Variants in SYNJ2 observed in about 807,000 individuals in gnomAD.
The protein encoded by SYNJ2 is synaptojanin 2.
In SYNJ2, 116 loss-of-function variants were observed where a neutral mutation model predicts 141.3. The ratio of observed to expected loss-of-function variants is 0.82; its 90% confidence interval spans 0.71 to 0.96. The LOEUF (loss-of-function observed/expected upper bound fraction) is 0.96, where lower values mean the gene tolerates loss of function less well. Among genes scored for constraint, SYNJ2 ranks in the 40% least tolerant of loss-of-function variants. The probability of loss-of-function intolerance (pLI) is 0.00; values close to 1 mark genes in which losing one functional copy is unlikely to be tolerated. For synonymous variants in SYNJ2, 745 were observed against 777.7 expected (o/e 0.96, Z 0.70); for missense variants, 1,873 against 1,934.8 (o/e 0.97, Z 0.60).
chr6:158,045,424 A>T (rs2128346788), intron 5 of SYNJ2, among the ~76,000 whole-genome samples: 1 of 152,164 alleles, frequency 6.6e-6, no homozygotes, highest in African/African-American at 2.4e-5. Context: ...CAGTTCAGGG[A>T]TCCTCTTCCA....
intron 1 of SYNJ2, among the ~76,000 whole-genome samples, chr6:157,999,890 A>G (rs1258474710): frequency 3.3e-5 from 5 of 152,006 alleles, no homozygotes; most frequent in Admixed American, 6.6e-5. Flanking sequence ...CGGTTAGTGG[A>G]TGACAGATTT....
intron 4 of SYNJ2, among the ~76,000 whole-genome samples, chr6:158,039,000 C>A (rs1366399601): frequency 6.6e-6 from 1 of 152,162 alleles, no homozygotes; most frequent in Non-Finnish European, 1.5e-5. Context: ...AGCATTCCTC[C>A]AAGCCAAAAA....
chr6:158,084,278 C>A lies in SYNJ2; in HGVS notation c.3208+104C>A. ...TGGGCACTGTGTGATATCAAGTATG[C>A]AGGTCCCAGGAGAGACCTCAACCAG... On this transcript the variant is annotated intron_variant, in intron 22 of 26. Transcript: ENST00000355585. This position sits in a 1 kb window ranked among gnomAD's most constrained non-coding sequence, Gnocchi z 5.0. 2 of 1,334,012 alleles carry A rather than the reference C, an allele frequency of 1.5e-6. No homozygotes were observed. The highest frequency in any genetic ancestry group is 2.1e-6 in the Non-Finnish European group (2 of 974,456). The allele number at this position is 1,334,012 out of a possible 1,614,324, so 82.6% of individuals were successfully genotyped here.
chr6:158,017,678 G>A, intron 2 of SYNJ2: 1 of 487,994 alleles, frequency 2.0e-6, no homozygotes, highest in South Asian at 1.5e-5. Context: ...GCCTCCCAAA[G>A]TGCTGGGATT....
intron 4 of SYNJ2, among the ~76,000 whole-genome samples, chr6:158,039,032 T>A (rs1463546616): frequency 6.6e-6 from 1 of 152,218 alleles, no homozygotes; most frequent in African/African-American, 2.4e-5. Flanking sequence ...ACAGCCCTTT[T>A]TCTAAAACAT....
chr6:158,043,378 C>T lies in SYNJ2; in HGVS notation c.774C>T (p.Phe258=), dbSNP rs772575524. Residue 258 remains phenylalanine, a synonymous_variant, in exon 5 of 27, where the codon TTC becomes TTT. Coordinates refer to ENST00000355585, the MANE Select transcript of SYNJ2 (RefSeq NM_003898.4). The surrounding 1 kb of genome is among the most constrained non-coding windows in gnomAD (Gnocchi z 4.0). ...AGATCAGAGGCTCCGTTCCGCTGTT[C>T]TGGGAACAGCCAGGGCTTCAGGTAG... ...FVQIRGSVPL[F]WEQPGLQVGS... is the part of the protein sequence containing the mutation. 2.5e-6 allele frequency: 4 copies of T among 1,614,096 alleles called. No homozygotes were observed. Among genetic ancestry groups the T allele is most frequent in the Admixed American group, 1.7e-5 (1 of 60,024 alleles).
chr6:158,051,834 T>C (rs1316290081), intron 5 of SYNJ2, among the ~76,000 whole-genome samples: 1 of 150,786 alleles, frequency 6.6e-6, no homozygotes, highest in Non-Finnish European at 1.5e-5. Flanking sequence ...TGTACACTTG[T>C]AGTCCCGGCA....
rs1441721698 is a variant in SYNJ2 at position 158,066,504 on chromosome 6, G to A, written c.1586G>A (p.Arg529Gln). Residue 529 changes from arginine (R) to glutamine (Q), a missense_variant, in exon 12 of 27, where the codon CGG becomes CAG. Coordinates refer to ENST00000355585, the MANE Select transcript of SYNJ2 (RefSeq NM_003898.4). Reference sequence around the variant, plus strand: ...CAGTCCGAATTCACAAATTTCAAGCGGATCCGGATTGCTATGGGGACCTGG... The same window carrying A: ...CAGTCCGAATTCACAAATTTCAAGCAGATCCGGATTGCTATGGGGACCTGG... ...ERQSEFTNFK[R>Q]IRIAMGTWNV... The A allele has an allele frequency of 3.7e-6, 6 of 1,614,058 alleles. No homozygotes were observed. Among genetic ancestry groups the A allele is most frequent in the African/African-American group, 2.7e-5 (2 of 74,896 alleles).
chr6:157,981,991 G>A lies in SYNJ2; in HGVS notation c.30G>A (p.Leu10=). MALSKGLRL[L]GRLGAEGDCS... Reference sequence around the variant, plus strand: ...CCCTGAGCAAAGGGCTGCGGCTGCTGGGGCGCCTGGGGGCCGAGGGGGACT... The same window carrying A: ...CCCTGAGCAAAGGGCTGCGGCTGCTAGGGCGCCTGGGGGCCGAGGGGGACT... Residue 10 remains leucine (L), a synonymous_variant, in exon 1 of 27, where the codon CTG becomes CTA. Transcript: ENST00000355585. The surrounding 1 kb of genome is among the most constrained non-coding windows in gnomAD (Gnocchi z 6.4). 1 of 1,280,562 alleles carries A rather than the reference G, an allele frequency of 7.8e-7. No individual in the cohort carries two copies. The highest frequency in any genetic ancestry group is 9.9e-7 in the Non-Finnish European group (1 of 1,014,514). The allele number at this position is 1,280,562 out of a possible 1,614,324, so 79.3% of individuals were successfully genotyped here. A position where few individuals can be genotyped will look rare whatever the true frequency, so the allele number is the denominator to read the frequency against.
intron 24 of SYNJ2, 41 bp downstream of exon 24, chr6:158,088,813 C>T: frequency 6.9e-7 from 1 of 1,452,540 alleles, no homozygotes; most frequent in Non-Finnish European, 9.7e-7. Context: ...AGGGTTTTGC[C>T]CCCGGGATAG....
Position 158,067,731 on chromosome 6 carries a change from C to T in SYNJ2, c.1718-916C>T, listed in dbSNP as rs898120225. Reference sequence around the variant, plus strand: ...GCCCCATCCCTTCCTGTGCACACGCCATCTGTGCCCTCCTTTCTGCCTCCA... The same window carrying T: ...GCCCCATCCCTTCCTGTGCACACGCTATCTGTGCCCTCCTTTCTGCCTCCA... On this transcript the variant is annotated intron_variant, in intron 12 of 26. Coordinates refer to ENST00000355585, the MANE Select transcript of SYNJ2 (RefSeq NM_003898.4). The T allele has an allele frequency of 5.1e-6, 5 of 984,786 alleles. No individual in the cohort carries two copies. In the African/African-American group the frequency reaches 8.8e-5, roughly 17 times the overall value. The allele number at this position is 984,786 out of a possible 1,614,324, so 61.0% of individuals were successfully genotyped here.
chr6:157,981,346 C>T (rs1776993779), upstream of SYNJ2, among the ~76,000 whole-genome samples: 2 of 152,222 alleles, frequency 1.3e-5, no homozygotes, highest in Admixed American at 6.5e-5. This position sits in a 1 kb window ranked among gnomAD's most constrained non-coding sequence, Gnocchi z 6.4. Flanking sequence ...CCACGCGCTC[C>T]GCACCCGCTA....
chr6:158,073,923 A>T (rs1782103213), intron 15 of SYNJ2, among the ~76,000 whole-genome samples: 1 of 149,878 alleles, frequency 6.7e-6, no homozygotes, highest in Non-Finnish European at 1.5e-5. Flanking sequence ...TTAATCTAAG[A>T]GAGAGCTGGT....
rs756831001 is a variant in SYNJ2, at chr6:158,062,144, G to T, written c.1107G>T (p.Lys369Asn). The T allele has an allele frequency of 1.1e-5, 17 of 1,613,706 alleles. No individual in the cohort carries two copies. In the Admixed American group the frequency reaches 2.5e-4, roughly 24 times the overall value. The change falls in exon 8 of 27, where the codon AAG becomes AAT. Residue 369 changes from lysine (K) to asparagine (N), a missense_variant. Transcript: ENST00000355585. ...GGGAAGACTTCGATGTGTTCACAAA[G>T]GGGGAGAACGTCAGTCCACGGTGAG... ...LHWEDFDVFT[K>N]GENVSPRFQK...
At chr6:158,073,035 A>G (rs1002031857) in intron 15 of SYNJ2, among the ~76,000 whole-genome samples, 1 of 146,588 alleles carries the variant, frequency 6.8e-6, no homozygotes, top group Non-Finnish European at 1.5e-5. Flanking sequence ...GCACCACTAC[A>G]CTCCAGCCTC....
At chr6:158,013,023 A>G (rs1778323132) in intron 1 of SYNJ2, among the ~76,000 whole-genome samples, 1 of 152,174 alleles carries the variant, frequency 6.6e-6, no homozygotes, top group South Asian at 2.1e-4. Context: ...TTTTGGGGGC[A>G]CCGACCTCTT....
At chr6:158,072,621 C>T (rs1259479059) in intron 15 of SYNJ2, among the ~76,000 whole-genome samples, 1 of 151,820 alleles carries the variant, frequency 6.6e-6, no homozygotes, top group Non-Finnish European at 1.5e-5. Context: ...GCACTCAAGG[C>T]AAAATTTCCT....
At chr6:158,078,133 T>C (rs1782435503) in intron 17 of SYNJ2, 31 bp from the exon 18 acceptor site, 6 of 1,395,778 alleles carry the variant, frequency 4.3e-6, no homozygotes, top group Non-Finnish European at 6.1e-6. Flanking sequence ...CGATTCTATA[T>C]GGGTCTCTCG....
intron 5 of SYNJ2, among the ~76,000 whole-genome samples, chr6:158,046,006 G>A (rs939050195): frequency 1.3e-5 from 2 of 151,972 alleles, no homozygotes; most frequent in Non-Finnish European, 2.9e-5. Context: ...GCAATGGCAC[G>A]ACCTCGGCTC....
Sources: allele counts gnomAD v4.1 joint callset (sites outside exome capture counted in the v4.1 genomes callset), GRCh38; gene constraint gnomAD v4.1.1; non-coding constraint Gnocchi (gnomAD v3.1); transcripts MANE v1.5; gene names NCBI Gene and HGNC (gene_info 2026-07-23, HGNC 2026-07-21).